The following PTPRK variants were observed in gnomAD, a reference collection of about 807,000 sequenced individuals.
PTPRK encodes protein tyrosine phosphatase receptor type K, also known as receptor-type tyrosine-protein phosphatase kappa.
In PTPRK, 75 loss-of-function variants were observed where a neutral mutation model predicts 178.0. The ratio of observed to expected loss-of-function variants is 0.42; its 90% CI spans 0.35 to 0.51. The LOEUF is 0.51. Ranked by LOEUF, PTPRK falls within the 20% of genes least tolerant of loss-of-function variation. PTPRK has a pLI of 0.02. For missense variants in PTPRK, 1,441 were observed against 1,797.8 expected, an observed-to-expected ratio of 0.80 and a Z score of 3.59; for synonymous variants, 637 against 620.6, an observed-to-expected ratio of 1.03 and a Z score of -0.39.
chr6:128,245,471 A>C (rs919565722), intron 3 of PTPRK, among the ~76,000 whole-genome samples: 3 of 152,230 alleles, frequency 2.0e-5, no homozygotes, highest in African/African-American at 7.2e-5. Flanking sequence ...AGTCAATAAC[A>C]ATGAGATAAG....
chr6:128,022,404 AAT>A (rs1338024951), intron 13 of PTPRK, among the ~76,000 whole-genome samples: 5 of 152,148 alleles, frequency 3.3e-5, no homozygotes, highest in African/African-American at 1.2e-4. Context: ...CTTAAAATCT[AAT>A]ACTCAGCAGC....
intron 8 of PTPRK, 132 bp from the exon 9 acceptor site, chr6:128,083,956 A>G: frequency 2.2e-6 from 1 of 461,230 alleles, no homozygotes. Context: ...CCTTAAAAAC[A>G]AAATAAACTA....
intron 13 of PTPRK, among the ~76,000 whole-genome samples, chr6:128,010,743 G>A (rs1018186127): frequency 6.6e-6 from 1 of 151,160 alleles, no homozygotes; most frequent in African/African-American, 2.4e-5. Context: ...CACTATAACT[G>A]TCTTAATTTA....
chr6:128,107,177 T>C (rs938934507), intron 7 of PTPRK, among the ~76,000 whole-genome samples: 12 of 152,004 alleles, frequency 7.9e-5, no homozygotes, highest in African/African-American at 2.9e-4. Flanking sequence ...CTAGTACATG[T>C]TTATCTCATA....
chr6:128,279,253 G>A (rs1201932270), intron 3 of PTPRK, among the ~76,000 whole-genome samples: 2 of 150,790 alleles, frequency 1.3e-5, no homozygotes, highest in Non-Finnish European at 2.9e-5. Flanking sequence ...TGTTTAGCAT[G>A]TATGCCTGTT....
intron 20 of PTPRK, 72 bp from the exon 21 acceptor site, chr6:127,990,957 G>A: frequency 2.3e-6 from 2 of 869,588 alleles, no homozygotes; most frequent in Non-Finnish European, 1.8e-6. Context: ...TTTAATTCCA[G>A]CAATAACTCC....
At chr6:128,092,963 G>A (rs973428516) in intron 7 of PTPRK, among the ~76,000 whole-genome samples, 2 of 152,144 alleles carry the variant, frequency 1.3e-5, no homozygotes, top group East Asian at 1.9e-4. Flanking sequence ...CTGGCCATAA[G>A]AGCTACTATA....
intron 1 of PTPRK, among the ~76,000 whole-genome samples, chr6:128,403,907 T>G (rs1347245870): frequency 6.6e-6 from 1 of 152,172 alleles, no homozygotes; most frequent in Non-Finnish European, 1.5e-5. Context: ...ATGCCATTTT[T>G]GTCATAACTA....
chr6:128,070,174 T>C (rs2114953623), intron 11 of PTPRK, among the ~76,000 whole-genome samples: 1 of 152,194 alleles, frequency 6.6e-6, no homozygotes, highest in East Asian at 1.9e-4. Flanking sequence ...CTTTGAATGG[T>C]CATTACAGAA....
chr6:128,403,465 T>G (rs1361930566), intron 1 of PTPRK, among the ~76,000 whole-genome samples: 1 of 152,138 alleles, frequency 6.6e-6, no homozygotes, highest in East Asian at 1.9e-4. Flanking sequence ...GCTTTCATAT[T>G]TTACCTCTTT....
intron 7 of PTPRK, among the ~76,000 whole-genome samples, chr6:128,149,017 T>C (rs955843268): frequency 6.6e-6 from 1 of 152,006 alleles, no homozygotes; most frequent in Non-Finnish European, 1.5e-5. Context: ...GACGATATCT[T>C]ACATAAATGA....
At chr6:128,087,945 A>C (rs1786214207) in intron 8 of PTPRK, among the ~76,000 whole-genome samples, 1 of 152,306 alleles carries the variant, frequency 6.6e-6, no homozygotes, top group Admixed American at 6.5e-5. Flanking sequence ...ATTTGTAAAA[A>C]CTATGGCATA....
rs143005455 is a variant in PTPRK, at chr6:127,998,861, G to A, written c.2538C>T (p.Asp846=). 2.3e-5 allele frequency: 36 copies of A among 1,597,236 alleles called. No individual in the cohort carries two copies. Among genetic ancestry groups the A allele is most frequent in the South Asian group, 4.5e-5 (4 of 89,230 alleles). The change falls in exon 16 of 30, where the codon GAC becomes GAT. Residue 846 remains aspartate (D), a synonymous_variant. Coordinates refer to ENST00000368226, the MANE Select transcript of PTPRK (RefSeq NM_002844.4). ...SATAESSRLL[D]VPRYLCEGTE... ...TCCCCTCACAGAGGTAGCGAGGTAC[G>A]TCTAGAAGGCGACTGGACTCTGCTG...
intron 5 of PTPRK, among the ~76,000 whole-genome samples, chr6:128,239,272 T>A (rs923401581): frequency 2.6e-5 from 4 of 152,202 alleles, no homozygotes; most frequent in African/African-American, 9.6e-5. Context: ...ACACATCATC[T>A]AGCTTCAAAT....
intron 3 of PTPRK, among the ~76,000 whole-genome samples, chr6:128,273,499 C>A (rs1302423457): frequency 6.6e-6 from 1 of 152,156 alleles, no homozygotes; most frequent in African/African-American, 2.4e-5. Context: ...ATTGAGTTTA[C>A]AAGCCTTTGA....
Position 128,519,658 on chromosome 6 carries a change from C to T in PTPRK, c.100+601G>A, listed in dbSNP as rs887340340. On this transcript the variant is annotated intron_variant, in intron 1 of 29. Coordinates refer to ENST00000368226, the MANE Select transcript of PTPRK (RefSeq NM_002844.4). The surrounding 1 kb of genome is among the most constrained non-coding windows in gnomAD (Gnocchi z 4.3). ...TCTTACAGGGCTCCGCCAACACACA[C>T]ACAGAACATGCTCCAAGCAGTGCCC... is the stretch of plus-strand genomic sequence containing the variant. 1.3e-4 allele frequency among the ~76,000 whole-genome samples: 20 copies of T among 152,222 alleles called. No homozygotes were observed. Among genetic ancestry groups the T allele is most frequent in the Non-Finnish European group, 2.2e-4 (15 of 68,044 alleles).
chr6:128,480,236 T>G (rs1410768292), intron 1 of PTPRK, among the ~76,000 whole-genome samples: 1 of 152,124 alleles, frequency 6.6e-6, no homozygotes, highest in Non-Finnish European at 1.5e-5. Context: ...TCATTCCCCT[T>G]TCGCGCTTGT....
chr6:128,006,469 GATCT>G (rs1034320087), intron 14 of PTPRK, among the ~76,000 whole-genome samples: 27 of 150,774 alleles, frequency 1.8e-4, no homozygotes, highest in African/African-American at 6.3e-4. Context: ...AAAACATAAA[GATCT>G]ATTATGTTAA....
intron 13 of PTPRK, among the ~76,000 whole-genome samples, chr6:128,026,490 C>T (rs990118904): frequency 6.6e-5 from 10 of 151,878 alleles, no homozygotes; most frequent in Non-Finnish European, 1.3e-4. Context: ...TTTTTGAGAC[C>T]CACTTTTCTC....
Sources: gnomAD v4.1 joint callset for allele counts (sites outside exome capture counted in the v4.1 genomes callset) on GRCh38, gnomAD v4.1.1 for gene constraint, Gnocchi (gnomAD v3.1) non-coding constraint, MANE v1.5 for transcripts, NCBI Gene and HGNC (gene_info 2026-07-23, HGNC 2026-07-21) for gene names.